Variants in ATG7 observed in about 807,000 individuals in gnomAD.
ATG7 encodes the protein autophagy related 7, also known as ubiquitin-like modifier-activating enzyme ATG7.
A neutral mutation model predicts 82.4 loss-of-function variants in ATG7; 70 were observed. The ratio of observed to expected loss-of-function variants is 0.85; its 90% CI spans 0.70 to 1.04. The LOEUF (loss-of-function observed/expected upper bound fraction) is 1.04, where lower values mean the gene tolerates loss of function less well. ATG7 is among the 50% of genes least tolerant of loss of function. ATG7 has a pLI of 0.00. For missense variants in ATG7, 792 were observed against 864.3 expected, an observed-to-expected ratio of 0.92 and a Z score of 1.05; for synonymous variants, 287 against 313.0, an observed-to-expected ratio of 0.92 and a Z score of 0.88.
intron 11 of ATG7, among the ~76,000 whole-genome samples, chr3:11,333,914 A>C (rs1952008487): frequency 6.6e-6 from 1 of 151,600 alleles, no homozygotes; most frequent in South Asian, 2.1e-4. Flanking sequence ...CGCCCGGATA[A>C]TTTTTTGTAT....
chr3:11,522,281 T>C (rs1298177180), intron 20 of ATG7, among the ~76,000 whole-genome samples: 1 of 152,154 alleles, frequency 6.6e-6, no homozygotes, highest in Non-Finnish European at 1.5e-5. Context: ...TGGCAGATCA[T>C]GTTGATGGAG....
chr3:11,294,031 A>G (rs1365669780), intron 3 of ATG7, among the ~76,000 whole-genome samples: 19 of 150,958 alleles, frequency 1.3e-4, no homozygotes, highest in Admixed American at 2.0e-4. Context: ...AAAAAAAAAA[A>G]AAAGAAAAAG....
intron 3 of ATG7, among the ~76,000 whole-genome samples, chr3:11,283,267 G>A (rs1239563914): frequency 6.6e-6 from 1 of 152,158 alleles, no homozygotes; most frequent in East Asian, 1.9e-4. Flanking sequence ...TTAGGCAGAG[G>A]AAATTTTCAT....
At chr3:11,493,242 C>T (rs940384874) in intron 20 of ATG7, among the ~76,000 whole-genome samples, 3 of 152,204 alleles carry the variant, frequency 2.0e-5, no homozygotes, top group Non-Finnish European at 4.4e-5. Context: ...CTCTGCCCCT[C>T]TTCTCCAAAG....
intron 19 of ATG7, among the ~76,000 whole-genome samples, chr3:11,404,046 C>T (rs113733332): frequency 0.039 from 5,819 of 151,010 alleles, 124 homozygotes; most frequent in African/African-American, 0.052. Context: ...ATAGTATAAT[C>T]TCAAATATTG....
At chr3:11,275,356 T>C (rs1489059907) in intron 1 of ATG7, among the ~76,000 whole-genome samples, 1 of 150,620 alleles carries the variant, frequency 6.6e-6, no homozygotes, top group Non-Finnish European at 1.5e-5. Flanking sequence ...TTTTTTTTTT[T>C]CTTTTTTTTT....
At chr3:11,499,560 A>T (rs1327541775) in intron 20 of ATG7, among the ~76,000 whole-genome samples, 1 of 152,072 alleles carries the variant, frequency 6.6e-6, no homozygotes, top group Non-Finnish European at 1.5e-5. Context: ...AGCCTGGCTA[A>T]TGTGGTGAAA....
intron 9 of ATG7, among the ~76,000 whole-genome samples, chr3:11,330,251 G>A (rs1358804634): frequency 6.6e-6 from 1 of 152,108 alleles, no homozygotes; most frequent in East Asian, 1.9e-4. Flanking sequence ...TTTAAGGAGG[G>A]GAAGGTTTAA....
At chr3:11,493,205 T>C (rs753025949) in intron 20 of ATG7, among the ~76,000 whole-genome samples, 1 of 152,184 alleles carries the variant, frequency 6.6e-6, no homozygotes, top group Non-Finnish European at 1.5e-5. Flanking sequence ...GAAGGCCAGG[T>C]CACTCTCCCC....
intron 3 of ATG7, among the ~76,000 whole-genome samples, chr3:11,295,153 T>C (rs1945663106): frequency 6.6e-6 from 1 of 152,110 alleles, no homozygotes; most frequent in African/African-American, 2.4e-5. Context: ...ATGGTGAATG[T>C]TGGAAAACGC....
intron 9 of ATG7, among the ~76,000 whole-genome samples, chr3:11,315,828 G>C (rs919175842): frequency 2.0e-5 from 3 of 152,184 alleles, no homozygotes; most frequent in Non-Finnish European, 4.4e-5. Context: ...CCTGGTTCAA[G>C]CGATTCTCCT....
the ATG7 span, among the ~76,000 whole-genome samples, chr3:11,573,292 A>G: frequency 1.5e-3 from 17 of 11,010 alleles, no homozygotes; most frequent in Middle Eastern, 0.031. Flanking sequence ...AGAAAGAAAG[A>G]AAGAAAGAAA....
chr3:11,396,823 T>C (rs974775560), intron 19 of ATG7, among the ~76,000 whole-genome samples: 2 of 145,598 alleles, frequency 1.4e-5, no homozygotes, highest in Non-Finnish European at 3.1e-5. Flanking sequence ...GTATTAAAAC[T>C]TGGAGGAGGT....
At chr3:11,495,143 CT>C (rs1682254667) in intron 20 of ATG7, among the ~76,000 whole-genome samples, 1 of 152,116 alleles carries the variant, frequency 6.6e-6, no homozygotes, top group Non-Finnish European at 1.5e-5. Context: ...TCTATGACTG[CT>C]TATGTGCTCA....
At chr3:11,379,511 G>A (rs1009857459) in intron 18 of ATG7, among the ~76,000 whole-genome samples, 1 of 151,988 alleles carries the variant, frequency 6.6e-6, no homozygotes, top group Non-Finnish European at 1.5e-5. Context: ...GGGCCATTTC[G>A]GCCTTCCACA....
downstream of ATG7, chr3:11,558,778 C>G: frequency 6.2e-7 from 1 of 1,614,036 alleles, no homozygotes; most frequent in Non-Finnish European, 8.5e-7. Context: ...AATTCTTGCC[C>G]AGGCTCCTGC....
chr3:11,414,516 C>G (rs1157600342), intron 19 of ATG7, among the ~76,000 whole-genome samples: 2 of 152,170 alleles, frequency 1.3e-5, no homozygotes, highest in Non-Finnish European at 2.9e-5. Context: ...TTTCTTCCTT[C>G]CCAATCAGAA....
intron 3 of ATG7, among the ~76,000 whole-genome samples, chr3:11,293,252 G>A (rs1466852252): frequency 6.6e-6 from 1 of 152,138 alleles, no homozygotes; most frequent in Non-Finnish European, 1.5e-5. Context: ...TGATTTGGCC[G>A]GGTGTGGTGG....
At chr3:11,435,512 C>T (rs974878851) in intron 20 of ATG7, among the ~76,000 whole-genome samples, 1 of 152,128 alleles carries the variant, frequency 6.6e-6, no homozygotes, top group African/African-American at 2.4e-5. Flanking sequence ...TGTGTAATAA[C>T]AGGAGAGTTA....
Sources: gnomAD v4.1 joint callset for allele counts (sites outside exome capture counted in the v4.1 genomes callset) on GRCh38, gnomAD v4.1.1 for gene constraint, MANE v1.5 for transcripts, NCBI Gene and HGNC (gene_info 2026-07-23, HGNC 2026-07-21) for gene names.